FOXP2: variants seen among roughly 807,000 people sequenced by gnomAD.
FOXP2 encodes the protein forkhead box protein P2.
Under a neutral mutation model 115.8 loss-of-function variants are expected in FOXP2, and 12 were observed. That is an observed-to-expected ratio of 0.10 (90% confidence interval 0.07 to 0.17). FOXP2 has a LOEUF of 0.17. Ranked by LOEUF, FOXP2 falls within the 10% of genes least tolerant of loss-of-function variation. The pLI, the probability that FOXP2 is intolerant of heterozygous loss-of-function variation, is 1.00. For missense variants in FOXP2, 629 were observed against 843.5 expected (o/e 0.75, Z 3.15); for synonymous variants, 328 against 297.7 (o/e 1.10, Z -1.05).
intron 6 of FOXP2, among the ~76,000 whole-genome samples, chr7:114,637,076 G>C (rs1254661881): frequency 2.6e-5 from 4 of 152,102 alleles, no homozygotes; most frequent in Non-Finnish European, 2.9e-5. Context: ...CCAGCTACTT[G>C]GGAGGCTCAG....
At chr7:114,193,675 A>G (rs1285952056) in intron 1 of FOXP2, among the ~76,000 whole-genome samples, 1 of 152,076 alleles carries the variant, frequency 6.6e-6, no homozygotes, top group Non-Finnish European at 1.5e-5. Context: ...TATGACAACT[A>G]TAAATGTCCC....
chr7:114,231,508 G>C lies in FOXP2; in HGVS notation c.-101-56511G>C, dbSNP rs74753317. On this transcript the variant is annotated intron_variant, in intron 1 of 17. Coordinates refer to the FOXP2 transcript ENST00000634411. Reference sequence around the variant, plus strand: ...AAGCTACAGTAATCAAAACAGTATGGTACTGGCGTGAAGACATACCAATAG... The same window carrying C: ...AAGCTACAGTAATCAAAACAGTATGCTACTGGCGTGAAGACATACCAATAG... 1.0e-3 allele frequency among the ~76,000 whole-genome samples: 156 copies of C among 152,200 alleles called. 2 individuals carry two copies. The East Asian group carries it at 0.029, about 29-fold the overall frequency.
rs150578111 is a variant in FOXP2, at chr7:114,577,306, C to T, written c.258+42600C>T. 5.7e-3 allele frequency among the ~76,000 whole-genome samples: 863 copies of T among 151,956 alleles called. 6 individuals are homozygous for T. Among genetic ancestry groups the T allele is most frequent in the African/African-American group, 0.019 (800 of 41,504 alleles). Reference sequence around the variant, plus strand: ...AACAACAACAACAACAAAACTTAAACCTGAAGCTACATGCTGTACTTTAAC... The same window carrying T: ...AACAACAACAACAACAAAACTTAAATCTGAAGCTACATGCTGTACTTTAAC... On this transcript the variant is annotated intron_variant, in intron 3 of 16. Coordinates refer to ENST00000350908, the MANE Select transcript of FOXP2 (RefSeq NM_014491.4).
intron 2 of FOXP2, among the ~76,000 whole-genome samples, chr7:114,506,550 A>G (rs1797826821): frequency 6.6e-6 from 1 of 151,518 alleles, no homozygotes; most frequent in Admixed American, 6.6e-5. Flanking sequence ...TAGTTATTTG[A>G]TATTTATTTT....
At chr7:114,305,611 C>T (rs986297125) in intron 2 of FOXP2, among the ~76,000 whole-genome samples, 5 of 152,040 alleles carry the variant, frequency 3.3e-5, no homozygotes, top group African/African-American at 9.7e-5. Flanking sequence ...AGTCCTTATA[C>T]ATTTATGAGG....
intron 2 of FOXP2, among the ~76,000 whole-genome samples, chr7:114,531,613 T>C: frequency 6.6e-6 from 1 of 151,928 alleles, no homozygotes; most frequent in African/African-American, 2.4e-5. Context: ...CTCCCACCTC[T>C]TATGTTTACT....
At chr7:114,409,207 T>C (rs2129198290) in intron 2 of FOXP2, among the ~76,000 whole-genome samples, 1 of 152,272 alleles carries the variant, frequency 6.6e-6, no homozygotes, top group Non-Finnish European at 1.5e-5. Context: ...TGATTAAACT[T>C]GTTTAATATA....
intron 1 of FOXP2, among the ~76,000 whole-genome samples, chr7:114,134,590 G>A (rs987334090): frequency 2.0e-5 from 3 of 150,392 alleles, no homozygotes; most frequent in Non-Finnish European, 4.5e-5. Context: ...GCGGGCGCCT[G>A]TAGTCCCAGC....
At chr7:114,546,565 C>T (rs1037637213) in intron 3 of FOXP2, among the ~76,000 whole-genome samples, 54 of 151,994 alleles carry the variant, frequency 3.6e-4, no homozygotes, top group African/African-American at 1.3e-3. Context: ...GTTTTTGTTC[C>T]TGCTTCTCAT....
chr7:114,321,162 GA>G (rs1408495136), intron 2 of FOXP2, among the ~76,000 whole-genome samples: 1 of 144,388 alleles, frequency 6.9e-6, no homozygotes, highest in African/African-American at 2.6e-5. Context: ...CTGCAACCAT[GA>G]ATATCTAGTA....
At chr7:114,343,150 A>G (rs1466531692) in intron 2 of FOXP2, among the ~76,000 whole-genome samples, 16 of 151,470 alleles carry the variant, frequency 1.1e-4, no homozygotes. Flanking sequence ...TGGTTTACAA[A>G]CACTTCCCCA....
intron 1 of FOXP2, among the ~76,000 whole-genome samples, chr7:114,190,349 G>A (rs1279775357): frequency 6.6e-6 from 1 of 152,166 alleles, no homozygotes; most frequent in Non-Finnish European, 1.5e-5. Context: ...GGCCTGAATA[G>A]AACAGAAAGG....
At chr7:114,382,169 G>A (rs551643480) in intron 2 of FOXP2, among the ~76,000 whole-genome samples, 6 of 152,240 alleles carry the variant, frequency 3.9e-5, no homozygotes, top group African/African-American at 9.6e-5. Context: ...AGGACCCTTC[G>A]GACAGTGACA....
intron 3 of FOXP2, among the ~76,000 whole-genome samples, chr7:114,626,584 T>C (rs1317241021): frequency 1.3e-5 from 2 of 151,796 alleles, no homozygotes; most frequent in East Asian, 1.9e-4. Context: ...CATGTACATG[T>C]CTATAAACTC....
At position 114,659,677 on chromosome 7, in the gene FOXP2, A is replaced by G. The variant is rs1395880954; in HGVS notation, c.1647+4A>G. The G allele has an allele frequency of 6.2e-7, 1 of 1,612,260 alleles. No homozygotes were observed. Among genetic ancestry groups the G allele is most frequent in the African/African-American group, 1.3e-5 (1 of 74,852 alleles). Reference sequence around the variant, plus strand: ...GCGTAATGCAGCAACTTGGAAGGTAACTACTTTTCCAGCAGTTTTAAGATG... The same window carrying G: ...GCGTAATGCAGCAACTTGGAAGGTAGCTACTTTTCCAGCAGTTTTAAGATG... On this transcript the variant is annotated splice_donor_region_variant and intron_variant, in intron 13 of 16. Transcript: ENST00000350908.
intron 1 of FOXP2, among the ~76,000 whole-genome samples, chr7:114,243,365 A>G (rs966465707): frequency 3.9e-5 from 6 of 152,078 alleles, no homozygotes; most frequent in Non-Finnish European, 5.9e-5. Flanking sequence ...CAGAAACCAG[A>G]TCAAAGCACA....
intron 3 of FOXP2, among the ~76,000 whole-genome samples, chr7:114,603,156 A>T (rs1342854867): frequency 1.3e-5 from 2 of 152,202 alleles, no homozygotes; most frequent in Non-Finnish European, 2.9e-5. Context: ...GCCAAAGAGC[A>T]ACTGGTATAA....
intron 2 of FOXP2, among the ~76,000 whole-genome samples, chr7:114,374,264 A>G (rs1562892277): frequency 6.6e-6 from 1 of 152,246 alleles, no homozygotes; most frequent in Non-Finnish European, 1.5e-5. Flanking sequence ...CTAATAAAAT[A>G]AAAGTAGTGA....
chr7:114,636,820 T>C (rs1245554406), intron 6 of FOXP2, among the ~76,000 whole-genome samples: 1 of 152,134 alleles, frequency 6.6e-6, no homozygotes, highest in East Asian at 1.9e-4. Flanking sequence ...TTTTAATTAA[T>C]TCTTAGCACA....
Sources: gnomAD v4.1 joint callset for allele counts (sites outside exome capture counted in the v4.1 genomes callset) on GRCh38, gnomAD v4.1.1 for gene constraint, MANE v1.5 for transcripts, NCBI Gene and HGNC (gene_info 2026-07-23, HGNC 2026-07-21) for gene names.